TSPAN18: variants seen among roughly 807,000 people sequenced by gnomAD.
TSPAN18 encodes the protein tetraspanin-18.
A neutral mutation model predicts 27.3 loss-of-function variants in TSPAN18; 14 were observed. That is an observed-to-expected ratio of 0.51 (90% CI 0.34 to 0.80). TSPAN18 has a LOEUF of 0.80. TSPAN18 is among the 30% of genes least tolerant of loss of function. The pLI is 0.01. For synonymous variants in TSPAN18, 143 were observed against 136.5 expected (o/e 1.05, Z -0.33); for missense variants, 268 against 323.9 (o/e 0.83, Z 1.32).
chr11:44,920,423 C>A (rs772822760), intron 8 of TSPAN18, among the ~76,000 whole-genome samples: 1 of 152,104 alleles, frequency 6.6e-6, no homozygotes, highest in Non-Finnish European at 1.5e-5. Context: ...CCTAAGGGAG[C>A]AAGGTCTCCT....
chr11:44,765,597 A>G (rs1855551496), intron 2 of TSPAN18, among the ~76,000 whole-genome samples: 1 of 152,188 alleles, frequency 6.6e-6, no homozygotes, highest in Admixed American at 6.5e-5. Context: ...ACATTACAGA[A>G]GAGAAAACCA....
Position 44,931,175 on chromosome 11 carries a change from G to T in TSPAN18, c.*1997G>T. 1 of 347,810 alleles carries T rather than the reference G, an allele frequency of 2.9e-6. No homozygotes were observed. The highest frequency in any genetic ancestry group is 5.7e-6 in the Non-Finnish European group (1 of 175,326). 21.5% of individuals were successfully genotyped at this position (347,810 alleles called of 1,614,324 possible). The stretch of plus-strand genomic sequence containing the variant: ...GGCAACCCCATAAATGACACCTGAG[G>T]TCCGTAGAAGCTAAGCTCCTGAGAC... On this transcript the variant is annotated 3_prime_UTR_variant, in exon 10 of 10. Coordinates refer to ENST00000520358, the MANE Select transcript of TSPAN18 (RefSeq NM_130783.5).
chr11:44,918,194 G>T, intron 6 of TSPAN18, 148 bp downstream of exon 6: 1 of 778,288 alleles, frequency 1.3e-6, no homozygotes, highest in East Asian at 2.6e-5. Flanking sequence ...GGCCCCACCC[G>T]CCTGGCAAGG....
chr11:44,763,996 A>G (rs1855510264), intron 1 of TSPAN18, among the ~76,000 whole-genome samples: 1 of 152,154 alleles, frequency 6.6e-6, no homozygotes, highest in Non-Finnish European at 1.5e-5. Context: ...GGAAACTTAC[A>G]ATCATGGTGG....
intron 1 of TSPAN18, among the ~76,000 whole-genome samples, chr11:44,759,349 G>T (rs1855399434): frequency 6.6e-6 from 1 of 152,174 alleles, no homozygotes; most frequent in African/African-American, 2.4e-5. Context: ...AGGGGGTGAT[G>T]GTGTTTGACG....
intron 3 of TSPAN18, among the ~76,000 whole-genome samples, chr11:44,902,634 G>C (rs1243722836): frequency 6.6e-6 from 1 of 152,212 alleles, no homozygotes; most frequent in Non-Finnish European, 1.5e-5. Context: ...CTGAATCTCA[G>C]CCCTGCCCAC....
Position 44,773,689 on chromosome 11 carries a change from G to A in TSPAN18, c.-153+9177G>A, listed in dbSNP as rs568725445. Among the ~76,000 whole-genome samples, 18 of 152,274 alleles carry A rather than the reference G, an allele frequency of 1.2e-4. 1 individual carries two copies. In the South Asian group the frequency reaches 2.9e-3, roughly 25 times the overall value. On this transcript the variant is annotated intron_variant, in intron 2 of 9. Transcript: ENST00000520358. ...TGCTTCCAAGAGGGTTGCTGTGGGG[G>A]GATGGGATGGAACGGTGGTCAGAAG...
At position 44,830,818 on chromosome 11, in the gene TSPAN18, G is replaced by A. The variant is rs1185613187; in HGVS notation, c.-152-29510G>A. 2.0e-5 allele frequency among the ~76,000 whole-genome samples: 3 copies of A among 152,166 alleles called. No homozygotes were observed. The South Asian group carries it at 6.2e-4, about 31-fold the overall frequency. On this transcript the variant is annotated intron_variant, in intron 2 of 9. Transcript: ENST00000520358. Reference sequence around the variant, plus strand: ...ACTTCAGCACACACCCTGTCTAAATGGAGACTTACTTTTCAGCTAGCTCCA... The same window carrying A: ...ACTTCAGCACACACCCTGTCTAAATAGAGACTTACTTTTCAGCTAGCTCCA...
intron 2 of TSPAN18, among the ~76,000 whole-genome samples, chr11:44,790,394 C>T (rs539958713): frequency 3.1e-5 from 4 of 129,232 alleles, no homozygotes; most frequent in African/African-American, 6.1e-5. Flanking sequence ...TGTGCATGTG[C>T]TCTTGCTTGT....
intron 3 of TSPAN18, among the ~76,000 whole-genome samples, chr11:44,894,472 G>C (rs80296037): frequency 9.9e-5 from 15 of 152,236 alleles, no homozygotes; most frequent in South Asian, 4.1e-4. Context: ...GCCTGGGGGC[G>C]GGGGGGAGTG....
intron 3 of TSPAN18, among the ~76,000 whole-genome samples, chr11:44,880,908 C>T (rs1858471852): frequency 6.6e-6 from 1 of 152,252 alleles, no homozygotes; most frequent in African/African-American, 2.4e-5. Flanking sequence ...CACCTTGTGG[C>T]TCCAGAGGGC....
At chr11:44,797,499 G>A (rs1856376976) in intron 2 of TSPAN18, among the ~76,000 whole-genome samples, 1 of 152,168 alleles carries the variant, frequency 6.6e-6, no homozygotes, top group African/African-American at 2.4e-5. Context: ...GCGGGGTGGG[G>A]AGGAGTATGG....
At chr11:44,919,686 G>A (rs892288000) in intron 7 of TSPAN18, 131 bp from the exon 8 acceptor site, 2 of 877,446 alleles carry the variant, frequency 2.3e-6, no homozygotes, top group Non-Finnish European at 3.7e-6. Flanking sequence ...GTCACACAGT[G>A]GTGACAGGTG....
intron 2 of TSPAN18, among the ~76,000 whole-genome samples, chr11:44,804,439 G>A (rs1369264958): frequency 6.6e-6 from 1 of 152,142 alleles, no homozygotes; most frequent in Non-Finnish European, 1.5e-5. Flanking sequence ...GTTCTTTTTT[G>A]ACTTCTGTGG....
At chr11:44,876,739 A>T (rs2135248981) in intron 3 of TSPAN18, among the ~76,000 whole-genome samples, 1 of 152,390 alleles carries the variant, frequency 6.6e-6, no homozygotes, top group South Asian at 2.1e-4. Flanking sequence ...AGTATGAAGA[A>T]TAAGATAAAA....
In TSPAN18 at chr11:44,755,376, G is replaced by T. The variant is rs558314603; in HGVS notation, c.-239-9050G>T. Among the ~76,000 whole-genome samples, 3 of 152,206 alleles carry T rather than the reference G, an allele frequency of 2.0e-5. No individual in the cohort carries two copies. In the South Asian group the frequency reaches 6.2e-4, roughly 32 times the overall value. ...AGGCACAATTAACCAGGCTGATTGG[G>T]ACTCATTCTGGGAACAAAGGGTGCT... On this transcript the variant is annotated intron_variant, in intron 1 of 9. Coordinates refer to ENST00000520358, the MANE Select transcript of TSPAN18 (RefSeq NM_130783.5).
intron 2 of TSPAN18, among the ~76,000 whole-genome samples, chr11:44,812,555 T>A (rs942997360): frequency 6.6e-6 from 1 of 151,586 alleles, no homozygotes; most frequent in Non-Finnish European, 1.5e-5. Flanking sequence ...CCAGGGGAGG[T>A]GGTGCAAACT....
intron 9 of TSPAN18, among the ~76,000 whole-genome samples, chr11:44,927,149 T>C (rs1265129061): frequency 1.3e-5 from 2 of 152,218 alleles, no homozygotes; most frequent in African/African-American, 2.4e-5. Flanking sequence ...CTTTTCTCTG[T>C]GGGGTGTTCA....
intron 3 of TSPAN18, among the ~76,000 whole-genome samples, chr11:44,893,368 G>A (rs936082175): frequency 6.6e-6 from 1 of 152,202 alleles, no homozygotes; most frequent in Admixed American, 6.5e-5. Flanking sequence ...CGCCCCTCAG[G>A]AGCCTAATTA....
Sources: gnomAD v4.1 joint callset for allele counts (sites outside exome capture counted in the v4.1 genomes callset) on GRCh38, gnomAD v4.1.1 for gene constraint, MANE v1.5 for transcripts, NCBI Gene and HGNC (gene_info 2026-07-23, HGNC 2026-07-21) for gene names.